Variants in TMEM39B observed in about 807,000 individuals in gnomAD.
The protein encoded by TMEM39B is transmembrane protein 39B.
TMEM39B carries 23 observed loss-of-function variants against 52.2 expected under a neutral mutation model. The observed-to-expected ratio is 0.44, with a 90% CI of 0.32 to 0.62. TMEM39B has a LOEUF of 0.62. Among genes scored for constraint, TMEM39B ranks in the 20% least tolerant of loss-of-function variants. TMEM39B has a pLI of 0.06. For missense variants in TMEM39B, 547 were observed against 642.0 expected (o/e 0.85, Z 1.60); for synonymous variants, 285 against 264.0 (o/e 1.08, Z -0.77).
intron 7 of TMEM39B, among the ~76,000 whole-genome samples, chr1:32,097,761 C>T (rs1055915470): frequency 1.2e-4 from 19 of 152,110 alleles, no homozygotes; most frequent in Admixed American, 1.2e-3. Flanking sequence ...TCTCCTGCGT[C>T]AGCCTCCTGA....
At chr1:32,092,241 C>T (rs1422446118) in intron 6 of TMEM39B, among the ~76,000 whole-genome samples, 1 of 152,126 alleles carries the variant, frequency 6.6e-6, no homozygotes, top group Non-Finnish European at 1.5e-5. Context: ...ACTGCAGCCT[C>T]AACCTCCTGG....
intron 5 of TMEM39B, among the ~76,000 whole-genome samples, chr1:32,091,390 T>C (rs1247684883): frequency 1.3e-5 from 2 of 152,222 alleles, no homozygotes; most frequent in Non-Finnish European, 2.9e-5. Context: ...CTGTTAGTCA[T>C]CCCTAGGCTG....
chr1:32,075,272 A>G (rs1252616583), intron 2 of TMEM39B, among the ~76,000 whole-genome samples, 195 bp downstream of exon 2: 2 of 152,178 alleles, frequency 1.3e-5, no homozygotes, highest in Non-Finnish European at 2.9e-5. Context: ...ACATGGTAGA[A>G]TAAATCCAAA....
chr1:32,081,525 A>T (rs796849452), intron 5 of TMEM39B, among the ~76,000 whole-genome samples: 5 of 152,286 alleles, frequency 3.3e-5, no homozygotes, highest in African/African-American at 1.2e-4. Context: ...AGGTGAATGG[A>T]TCACTTGAGG....
Position 32,091,746 on chromosome 1 carries a change from C to A in TMEM39B, c.662C>A (p.Ala221Asp). 1 of 1,614,196 alleles carries A rather than the reference C, an allele frequency of 6.2e-7. No homozygotes were observed. Among genetic ancestry groups the A allele is most frequent in the East Asian group, 2.2e-5 (1 of 44,884 alleles). ...AAGACAAGCCTCTTCAACCACATGG[C>A]CTCCATGGGGCCCCGGGAGGCGGTC... Reference protein sequence around the residue: ...LRKTSLFNHMASMGPREAVSG... With the variant: ...LRKTSLFNHMDSMGPREAVSG... Residue 221 changes from alanine to aspartate, a missense_variant, in exon 6 of 9, where the codon GCC becomes GAC. Physicochemically the swap from Ala to Asp is moderately radical, Grantham distance 126. Transcript: ENST00000336294.
chr1:32,074,930 A>G (rs1450212825), intron 1 of TMEM39B, 21 bp from the exon 2 acceptor site: 11 of 1,546,900 alleles, frequency 7.1e-6, no homozygotes, highest in East Asian at 2.5e-5. Flanking sequence ...TTGAGGCTCT[A>G]TTTTATGTTG....
intron 5 of TMEM39B, among the ~76,000 whole-genome samples, chr1:32,085,685 A>G (rs1191938414): frequency 6.6e-6 from 1 of 150,400 alleles, no homozygotes; most frequent in African/African-American, 2.5e-5. Flanking sequence ...CGGGAGGTGG[A>G]GGTTGCAGTG....
chr1:32,095,112 G>C, intron 7 of TMEM39B, 141 bp downstream of exon 7: 1 of 925,896 alleles, frequency 1.1e-6, no homozygotes, highest in South Asian at 1.6e-5. Context: ...AGGTGTCCAG[G>C]GTGGGGTATG....
At chr1:32,090,181 T>C (rs1232643622) in intron 5 of TMEM39B, among the ~76,000 whole-genome samples, 1 of 152,064 alleles carries the variant, frequency 6.6e-6, no homozygotes, top group Admixed American at 6.6e-5. Context: ...CCTACTATGA[T>C]GGGCATGGCA....
intron 3 of TMEM39B, 120 bp downstream of exon 3, chr1:32,075,942 T>C: frequency 4.5e-6 from 3 of 662,642 alleles, no homozygotes; most frequent in Non-Finnish European, 7.5e-6. Flanking sequence ...TGCACTTGGC[T>C]CCATGCTGAA....
intron 1 of TMEM39B, 63 bp downstream of exon 1, chr1:32,073,114 C>A: frequency 5.1e-6 from 7 of 1,381,332 alleles, no homozygotes; most frequent in Non-Finnish European, 6.6e-6. Context: ...GATGGCCAGG[C>A]TGCTAATTGC....
chr1:32,079,177 ATTTC>A, intron 5 of TMEM39B, among the ~76,000 whole-genome samples: 1 of 126,790 alleles, frequency 7.9e-6, no homozygotes, highest in Admixed American at 8.0e-5. Context: ...AACCTGTTCT[ATTTC>A]TTTCTTTTTT....
At chr1:32,080,326 T>C (rs1197890969) in intron 5 of TMEM39B, among the ~76,000 whole-genome samples, 1 of 152,124 alleles carries the variant, frequency 6.6e-6, no homozygotes, top group Non-Finnish European at 1.5e-5. Context: ...AGATTTTTCA[T>C]AGTTATTAAC....
At chr1:32,092,675 G>C (rs971227648) in intron 6 of TMEM39B, among the ~76,000 whole-genome samples, 5 of 151,898 alleles carry the variant, frequency 3.3e-5, no homozygotes, top group Non-Finnish European at 5.9e-5. Flanking sequence ...ATTTTTAGTA[G>C]AGACGGGGTT....
chr1:32,101,366 G>A (rs1026865767), intron 8 of TMEM39B, among the ~76,000 whole-genome samples: 3 of 151,968 alleles, frequency 2.0e-5, no homozygotes, highest in Non-Finnish European at 4.4e-5. Context: ...TATGGAAAGG[G>A]CTGCTCAAAA....
At chr1:32,102,095 TA>T (rs1264675169) in intron 8 of TMEM39B, among the ~76,000 whole-genome samples, 1 of 151,988 alleles carries the variant, frequency 6.6e-6, no homozygotes, top group African/African-American at 2.4e-5. Context: ...TTTCAAAAAT[TA>T]AAAAAAATTT....
At chr1:32,082,467 T>A (rs1011944749) in intron 5 of TMEM39B, among the ~76,000 whole-genome samples, 1 of 152,066 alleles carries the variant, frequency 6.6e-6, no homozygotes, top group African/African-American at 2.4e-5. Flanking sequence ...TATTTTTATT[T>A]TTTTTGAGAT....
chr1:32,091,567 C>T, intron 5 of TMEM39B, 108 bp from the exon 6 acceptor site: 1 of 1,283,586 alleles, frequency 7.8e-7, no homozygotes, highest in South Asian at 1.5e-5. Context: ...CCCCTCTGGG[C>T]AGCCAGGAGA....
At chr1:32,074,148 A>C (rs997274943) in intron 1 of TMEM39B, among the ~76,000 whole-genome samples, 1 of 151,926 alleles carries the variant, frequency 6.6e-6, no homozygotes, top group South Asian at 2.1e-4. Flanking sequence ...AGTAGGTCCA[A>C]TTTTTCAGTC....
Sources: gnomAD v4.1 joint callset for allele counts (sites outside exome capture counted in the v4.1 genomes callset) on GRCh38, gnomAD v4.1.1 for gene constraint, MANE v1.5 for transcripts, NCBI Gene and HGNC (gene_info 2026-07-23, HGNC 2026-07-21) for gene names.